Variants in HYDIN observed in about 807,000 individuals in gnomAD.
The protein encoded by HYDIN is HYDIN axonemal central pair apparatus protein.
A neutral mutation model predicts 403.9 loss-of-function variants in HYDIN; 132 were observed. That is an observed-to-expected ratio of 0.33 (90% CI 0.28 to 0.38). HYDIN has a LOEUF of 0.38. Ranked by LOEUF, HYDIN falls within the 10% of genes least tolerant of loss-of-function variation. The pLI is 1.00. For missense variants in HYDIN, 2,827 were observed against 5,009.5 expected, an observed-to-expected ratio of 0.56 and a Z score of 13.15; for synonymous variants, 1,202 against 1,891.7, an observed-to-expected ratio of 0.64 and a Z score of 9.46.
Position 70,985,256 on chromosome 16 carries a change from T to C in HYDIN, c.4261A>G (p.Lys1421Glu). Residue 1421 changes from lysine to glutamate, a missense_variant, in exon 28 of 86, where the codon AAG becomes GAG. By Grantham distance (56) the Lys-to-Glu change is moderately conservative. Coordinates refer to ENST00000393567, the MANE Select transcript of HYDIN (RefSeq NM_001270974.2). ...GAAGACTGGTGGTCAGTCAGAACCT[T>C]GAACTCAAAGCCAACTTTCCCCATG... ...TNMGKVGFEF[K>E]VLTDHQSSPD... is the part of the protein sequence containing the mutation. 3 of 1,567,782 alleles carry C rather than the reference T, an allele frequency of 1.9e-6. No individual in the cohort carries two copies. In the East Asian group the frequency reaches 6.7e-5, roughly 35 times the overall value.
intron 1 of HYDIN, among the ~76,000 whole-genome samples, chr16:71,218,069 C>G (rs115567308): frequency 6.6e-6 from 1 of 152,058 alleles, no homozygotes; most frequent in African/African-American, 2.4e-5. Flanking sequence ...AAACAAACAT[C>G]TCATCATTAG....
chr16:71,108,110 C>T (rs2083684044), intron 10 of HYDIN, among the ~76,000 whole-genome samples: 2 of 152,028 alleles, frequency 1.3e-5, no homozygotes, highest in Admixed American at 6.6e-5. Context: ...TAAGTGGGAG[C>T]TAAATGATGA....
At chr16:71,186,692 A>C (rs1168507798) in intron 2 of HYDIN, 69 bp downstream of exon 2, 2 of 1,251,816 alleles carry the variant, frequency 1.6e-6, no homozygotes, top group East Asian at 4.7e-5. Flanking sequence ...GAGAATGCCA[A>C]GTAGCAACTG....
intron 71 of HYDIN, among the ~76,000 whole-genome samples, chr16:70,858,837 A>G (rs1342903043): frequency 1.3e-5 from 2 of 151,924 alleles, no homozygotes; most frequent in Admixed American, 6.6e-5. Context: ...TCTATGGTGG[A>G]CCCAGCTCCT....
intron 1 of HYDIN, among the ~76,000 whole-genome samples, chr16:71,213,609 G>T (rs946482768): frequency 4.6e-5 from 7 of 151,964 alleles, no homozygotes; most frequent in Non-Finnish European, 8.8e-5. Context: ...GAAATATGTT[G>T]AATTTTAACC....
chr16:70,989,992 C>T (rs907398822), intron 25 of HYDIN, among the ~76,000 whole-genome samples: 1 of 152,142 alleles, frequency 6.6e-6, no homozygotes, highest in Non-Finnish European at 1.5e-5. Flanking sequence ...GCAAGATGGT[C>T]GAGTCTTCCA....
intron 1 of HYDIN, among the ~76,000 whole-genome samples, chr16:71,223,597 G>A (rs1044042222): frequency 4.0e-5 from 6 of 151,046 alleles, no homozygotes; most frequent in Admixed American, 1.3e-4. Flanking sequence ...ACTAGCATCC[G>A]GAATCTACAA....
In HYDIN at chr16:70,832,865, G is replaced by A. The variant is rs2037108196; in HGVS notation, c.13882C>T (p.Pro4628Ser). 1 of 1,611,840 alleles carries A rather than the reference G, an allele frequency of 6.2e-7. No homozygotes were observed. Among genetic ancestry groups the A allele is most frequent in the African/African-American group, 1.3e-5 (1 of 74,498 alleles). Residue 4628 changes from proline to serine, a missense_variant, in exon 80 of 86, where the codon CCA becomes TCA. Physicochemically the swap from Pro to Ser is moderately conservative, Grantham distance 74. Coordinates refer to ENST00000393567, the MANE Select transcript of HYDIN (RefSeq NM_001270974.2). ...CTACTAACCTCTTTTACCGCAGGTG[G>A]TCCCACGCAGACTCCAGACAGGGTT... Reference protein sequence around the residue: ...SLTLSGVCVGPPAVKEVVNFT... With the variant: ...SLTLSGVCVGSPAVKEVVNFT...
chr16:70,960,067 T>C (rs1216792309), intron 38 of HYDIN, among the ~76,000 whole-genome samples: 1 of 152,282 alleles, frequency 6.6e-6, no homozygotes, highest in African/African-American at 2.4e-5. Flanking sequence ...GGAATCTCTC[T>C]TGCTGAAAAG....
chr16:71,019,364 G>A (rs2080386029), intron 22 of HYDIN, among the ~76,000 whole-genome samples: 1 of 152,274 alleles, frequency 6.6e-6, no homozygotes, highest in South Asian at 2.1e-4. Context: ...GTATTTAACT[G>A]TGCATTTAAT....
At chr16:70,985,142 G>A (rs1470720367) in intron 28 of HYDIN, 43 bp downstream of exon 28, 4 of 1,597,036 alleles carry the variant, frequency 2.5e-6, no homozygotes, top group East Asian at 2.2e-5. Flanking sequence ...TTCGGAGTGG[G>A]GCTCGTAGGT....
At chr16:70,934,092 CCA>C (rs1362444980) in intron 45 of HYDIN, among the ~76,000 whole-genome samples, 2 of 152,100 alleles carry the variant, frequency 1.3e-5, no homozygotes, top group Non-Finnish European at 2.9e-5. Flanking sequence ...AGGGTACGAT[CCA>C]CAGTGTGAAG....
At chr16:71,041,951 T>C (rs1375789347) in intron 18 of HYDIN, among the ~76,000 whole-genome samples, 7 of 152,154 alleles carry the variant, frequency 4.6e-5, no homozygotes, top group South Asian at 2.1e-4. Flanking sequence ...AAATAATACA[T>C]GTAGACAGTG....
Position 71,130,470 on chromosome 16 carries a change from G to GTTT in HYDIN, c.1044-650_1044-648dup, listed in dbSNP as rs56853905. On this transcript the variant is annotated intron_variant, in intron 8 of 85. Coordinates refer to ENST00000393567, the MANE Select transcript of HYDIN (RefSeq NM_001270974.2). The stretch of plus-strand genomic sequence containing the variant: ...AAAGCTGGCAACTCCATATATACCG[G>GTTT]TTTTTTTTTTTTTTTTTTTTTTTTT... Among the ~76,000 whole-genome samples, 143 of 75,830 alleles carry GTTT rather than the reference G, an allele frequency of 1.9e-3. 12 individuals carry two copies. The highest frequency in any genetic ancestry group is 5.8e-3 in the South Asian group (10 of 1,726). 49.7% of individuals were successfully genotyped at this position (75,830 alleles called of 152,430 possible).
At chr16:71,016,433 G>A (rs2080259720) in intron 23 of HYDIN, among the ~76,000 whole-genome samples, 1 of 151,956 alleles carries the variant, frequency 6.6e-6, no homozygotes, top group Non-Finnish European at 1.5e-5. Flanking sequence ...CCTCATACCT[G>A]TTAGGACGGC....
At chr16:70,850,293 A>G (rs1030034261) in intron 74 of HYDIN, among the ~76,000 whole-genome samples, 155 bp downstream of exon 74, 11 of 147,930 alleles carry the variant, frequency 7.4e-5, no homozygotes, top group Admixed American at 3.3e-4. Context: ...TCATATCTAC[A>G]TACATTCTGG....
At chr16:70,821,750 A>AT (rs1464204428) in intron 83 of HYDIN, among the ~76,000 whole-genome samples, 4 of 151,874 alleles carry the variant, frequency 2.6e-5, no homozygotes. Flanking sequence ...TTAAAAACTA[A>AT]TTTTTTAAAA....
At chr16:70,942,659 G>C (rs1040553811) in intron 42 of HYDIN, among the ~76,000 whole-genome samples, 1 of 152,248 alleles carries the variant, frequency 6.6e-6, no homozygotes, top group African/African-American at 2.4e-5. Flanking sequence ...CAAGAAGCTT[G>C]TGTCAGAATG....
At position 71,086,089 on chromosome 16, in the gene HYDIN, G is replaced by A. The variant is rs542275631; in HGVS notation, c.1670+2212C>T. Among the ~76,000 whole-genome samples the A allele has an allele frequency of 1.1e-3, 170 of 151,938 alleles. No individual in the cohort carries two copies. The East Asian group carries it at 0.025, about 23-fold the overall frequency. On this transcript the variant is annotated intron_variant, in intron 12 of 85. Coordinates refer to ENST00000393567, the MANE Select transcript of HYDIN (RefSeq NM_001270974.2). ...TCTGTTCCTCTATTCCTCCATTACT[G>A]CCTTTCTTTGTGTTAAATGGATATT...
Sources: gnomAD v4.1 joint callset for allele counts (sites outside exome capture counted in the v4.1 genomes callset) on GRCh38, gnomAD v4.1.1 for gene constraint, MANE v1.5 for transcripts, NCBI Gene and HGNC (gene_info 2026-07-23, HGNC 2026-07-21) for gene names.